Variants in FREM1 observed in about 807,000 individuals in gnomAD.
The protein encoded by FREM1 is FRAS1-related extracellular matrix protein 1.
FREM1 carries 220 observed loss-of-function variants against 210.1 expected under a neutral mutation model. The observed-to-expected ratio is 1.05, with a 90% CI of 0.94 to 1.17. FREM1 has a LOEUF of 1.17. Ranked by LOEUF, FREM1 falls within the 50% of genes most tolerant of loss-of-function variation. The pLI is 0.00. For missense variants in FREM1, 3,454 were observed against 2,675.5 expected, an observed-to-expected ratio of 1.29 and a Z score of -6.42; for synonymous variants, 1,189 against 980.2, an observed-to-expected ratio of 1.21 and a Z score of -3.98.
At position 14,860,799 on chromosome 9, in the gene FREM1, A is replaced by G. The variant is rs1363123080; in HGVS notation, c.330-1315T>C. Among the ~76,000 whole-genome samples the G allele has an allele frequency of 5.4e-3, 538 of 100,402 alleles. 16 individuals carry two copies. Among genetic ancestry groups the G allele is most frequent in the Non-Finnish European group, 6.6e-3 (323 of 48,844 alleles). 65.9% of individuals were successfully genotyped at this position (100,402 alleles called of 152,430 possible). On this transcript the variant is annotated intron_variant, in intron 3 of 36. Coordinates refer to ENST00000380880, the MANE Select transcript of FREM1 (RefSeq NM_001379081.2). ...CATATATACATATATACATATATAC[A>G]CATATATACATATATACACATATAT...
intron 3 of FREM1, among the ~76,000 whole-genome samples, chr9:14,860,827 ATATATACG>A (rs1829969697): frequency 2.7e-5 from 2 of 74,014 alleles, no homozygotes; most frequent in African/African-American, 5.1e-5. Flanking sequence ...ACATATATAC[ATATATACG>A]TATATATACA....
chr9:14,748,818 A>G (rs1038191090), intron 30 of FREM1, among the ~76,000 whole-genome samples, 179 bp from the exon 31 acceptor site: 1 of 152,214 alleles, frequency 6.6e-6, no homozygotes, highest in African/African-American at 2.4e-5. Flanking sequence ...TACATCCAGG[A>G]AAGCTGTGCT....
At position 14,769,835 on chromosome 9, in the gene FREM1, T is replaced by C. The variant is rs1228903481; in HGVS notation, c.5093A>G (p.Asp1698Gly). Residue 1698 changes from aspartate (D) to glycine (G), a missense_variant, in exon 27 of 37, where the codon GAC becomes GGC. By Grantham distance (94) the Asp-to-Gly change is moderately conservative. Transcript: ENST00000380880. ...EFIHEKFSQK[D>G]LNSKTILYII... is the part of the protein sequence containing the mutation. ...GTAAAGAATAGTCTTACTGTTTAAGTCCTTTTGGCTAAATTTCTCATGGAT... is the reference window on the plus strand; with the variant it reads ...GTAAAGAATAGTCTTACTGTTTAAGCCCTTTTGGCTAAATTTCTCATGGAT... 2 of 1,578,570 alleles carry C rather than the reference T, an allele frequency of 1.3e-6. No homozygotes were observed. The highest frequency in any genetic ancestry group is 1.7e-6 in the Non-Finnish European group (2 of 1,160,260).
intron 3 of FREM1, among the ~76,000 whole-genome samples, chr9:14,861,503 C>CTTTTTT (rs775845478): frequency 8.7e-6 from 1 of 114,892 alleles, no homozygotes; most frequent in African/African-American, 3.3e-5. Context: ...AGCATTTATC[C>CTTTTTT]TTTTTTTTTT....
Position 14,881,010 on chromosome 9 carries a change from A to G in FREM1, c.-267-11766T>C, listed in dbSNP as rs73642432. 7.9e-3 allele frequency among the ~76,000 whole-genome samples: 1,198 copies of G among 152,354 alleles called. 13 individuals carry two copies. Among genetic ancestry groups the G allele is most frequent in the African/African-American group, 0.028 (1,155 of 41,582 alleles). ...TCCAAATGAAACTGAAGAATGCAGC[A>G]AAATACAAAGGCACCGGTGGGATTT... is the stretch of plus-strand genomic sequence containing the variant. On this transcript the variant is annotated intron_variant, in intron 1 of 36. Transcript: ENST00000380880.
chr9:14,809,173 C>T (rs1180189446), intron 16 of FREM1, among the ~76,000 whole-genome samples: 1 of 152,212 alleles, frequency 6.6e-6, no homozygotes, highest in East Asian at 1.9e-4. Context: ...CACAAGCTCT[C>T]TTTGCTTGCT....
chr9:14,808,790 G>C (rs1337144728), intron 16 of FREM1, among the ~76,000 whole-genome samples: 2 of 152,146 alleles, frequency 1.3e-5, no homozygotes, highest in Non-Finnish European at 2.9e-5. Flanking sequence ...CCCCAGTTTA[G>C]ACAGTGACAG....
chr9:14,835,686 C>T (rs1413861494), intron 10 of FREM1, among the ~76,000 whole-genome samples: 1 of 152,148 alleles, frequency 6.6e-6, no homozygotes, highest in African/African-American at 2.4e-5. Context: ...AAAGTCTTAC[C>T]TGAAATTCCT....
intron 5 of FREM1, among the ~76,000 whole-genome samples, chr9:14,855,189 C>T (rs1828509207): frequency 6.6e-6 from 1 of 151,862 alleles, no homozygotes. Flanking sequence ...TAATATGAGA[C>T]TGACAAAGAA....
At chr9:14,821,960 T>C (rs1353290670) in intron 13 of FREM1, among the ~76,000 whole-genome samples, 1 of 152,204 alleles carries the variant, frequency 6.6e-6, no homozygotes, top group Non-Finnish European at 1.5e-5. Context: ...CACCTTGAAT[T>C]GTAATAATCC....
At chr9:14,823,959 G>C in intron 12 of FREM1, 66 bp downstream of exon 12, 1 of 892,970 alleles carries the variant, frequency 1.1e-6, no homozygotes, top group Non-Finnish European at 1.7e-6. Context: ...CACAATACTA[G>C]GCATGCCATA....
At chr9:14,801,986 A>C (rs913565373) in intron 19 of FREM1, 112 bp from the exon 20 acceptor site, 1 of 726,234 alleles carries the variant, frequency 1.4e-6, no homozygotes, top group Non-Finnish European at 2.3e-6. Flanking sequence ...ATTTTCTATG[A>C]GATTTATATA....
chr9:14,823,718 A>C (rs1478373414), intron 12 of FREM1, among the ~76,000 whole-genome samples: 1 of 152,214 alleles, frequency 6.6e-6, no homozygotes, highest in Non-Finnish European at 1.5e-5. Context: ...ATACTGAATA[A>C]ACTGAATTTT....
intron 1 of FREM1, among the ~76,000 whole-genome samples, chr9:14,900,789 T>C (rs1320381773): frequency 6.6e-6 from 1 of 152,202 alleles, no homozygotes; most frequent in Non-Finnish European, 1.5e-5. Context: ...TCCTGATCTG[T>C]GGCTTTGTAA....
At chr9:14,823,032 C>A (rs528587534) in intron 13 of FREM1, 128 bp downstream of exon 13, 11 of 597,876 alleles carry the variant, frequency 1.8e-5, no homozygotes, top group African/African-American at 1.7e-4. Context: ...TTTTACTACA[C>A]CATAGATGGA....
intron 1 of FREM1, among the ~76,000 whole-genome samples, chr9:14,896,416 C>T (rs1837727052): frequency 2.0e-5 from 3 of 151,982 alleles, no homozygotes; most frequent in African/African-American, 4.8e-5. Flanking sequence ...TGGTGGTGTG[C>T]ACCTGTAATC....
intron 1 of FREM1, among the ~76,000 whole-genome samples, chr9:14,874,796 T>C (rs1168588331): frequency 6.6e-6 from 1 of 152,238 alleles, no homozygotes; most frequent in Non-Finnish European, 1.5e-5. Context: ...GATTTTGCAG[T>C]GGCTGGTACC....
chr9:14,892,548 A>C (rs767554254), intron 1 of FREM1, among the ~76,000 whole-genome samples: 34 of 152,112 alleles, frequency 2.2e-4, no homozygotes, highest in Non-Finnish European at 4.6e-4. Flanking sequence ...CTCAGCTAAG[A>C]ACGGGTTTGG....
intron 1 of FREM1, among the ~76,000 whole-genome samples, chr9:14,900,859 G>C (rs1326744890): frequency 6.6e-6 from 1 of 152,182 alleles, no homozygotes; most frequent in Non-Finnish European, 1.5e-5. Context: ...GGATTCTTTG[G>C]TAGGAGGACT....
Sources: gnomAD v4.1 joint callset for allele counts (sites outside exome capture counted in the v4.1 genomes callset) on GRCh38, gnomAD v4.1.1 for gene constraint, MANE v1.5 for transcripts, NCBI Gene and HGNC (gene_info 2026-07-23, HGNC 2026-07-21) for gene names.